BTD: variants seen among roughly 807,000 people sequenced by gnomAD.
The protein encoded by BTD is biotinidase.
BTD carries 13 observed loss-of-function variants against 17.7 expected under a neutral mutation model. The ratio of observed to expected loss-of-function variants is 0.74; its 90% CI spans 0.48 to 1.17. The LOEUF is 1.17. Ranked by LOEUF, BTD falls within the 50% of genes most tolerant of loss-of-function variation. The pLI is 0.00. For missense variants in BTD, 674 were observed against 650.4 expected (o/e 1.04, Z -0.39); for synonymous variants, 240 against 245.2 (o/e 0.98, Z 0.20).
At chr3:15,632,178 A>G (rs2065230141) in intron 1 of BTD, among the ~76,000 whole-genome samples, 1 of 152,056 alleles carries the variant, frequency 6.6e-6, no homozygotes, top group Non-Finnish European at 1.5e-5. Flanking sequence ...CCTTGACCAC[A>G]CTGCTTAAAA....
At chr3:15,722,385 T>G (rs1575389686), downstream of BTD, among the ~76,000 whole-genome samples, 2 of 152,350 alleles carry the variant, frequency 1.3e-5, no homozygotes, top group South Asian at 4.1e-4. Context: ...TAATGTGTCC[T>G]GACTCCGTGA....
intron 4 of BTD, among the ~76,000 whole-genome samples, chr3:15,719,168 A>G (rs1290156978): frequency 6.6e-6 from 1 of 152,142 alleles, no homozygotes; most frequent in Non-Finnish European, 1.5e-5. Flanking sequence ...GTATGTATAC[A>G]TTTTGTCCTG....
intron 3 of BTD, among the ~76,000 whole-genome samples, chr3:15,680,561 A>C (rs2067432333): frequency 6.6e-6 from 1 of 152,122 alleles, no homozygotes; most frequent in South Asian, 2.1e-4. Context: ...GTATATCATA[A>C]ATTATTTAAT....
downstream of BTD, among the ~76,000 whole-genome samples, chr3:15,716,351 G>A (rs759927798): frequency 1.3e-5 from 2 of 151,166 alleles, no homozygotes; most frequent in African/African-American, 4.9e-5. Flanking sequence ...GAATGCAGTG[G>A]TGTAATCATA....
intron 1 of BTD, among the ~76,000 whole-genome samples, chr3:15,617,458 A>G (rs2064828036): frequency 6.6e-6 from 1 of 152,206 alleles, no homozygotes; most frequent in Non-Finnish European, 1.5e-5. Context: ...TGAAGGGTAT[A>G]AGATCTTTAT....
chr3:15,640,966 A>G (rs2065485602), intron 2 of BTD, among the ~76,000 whole-genome samples: 1 of 152,182 alleles, frequency 6.6e-6, no homozygotes, highest in African/African-American at 2.4e-5. Context: ...TGCTAATTTG[A>G]ATTGTTCATG....
At chr3:15,670,686 A>T (rs1410328323) in intron 3 of BTD, 2 of 968,074 alleles carry the variant, frequency 2.1e-6, no homozygotes, top group African/African-American at 3.3e-5. Context: ...AATTGCTGTA[A>T]CCAGCATGAT....
chr3:15,677,360 T>C (rs962442858), intron 3 of BTD: 1 of 706,300 alleles, frequency 1.4e-6, no homozygotes, highest in African/African-American at 1.8e-5. Flanking sequence ...TCAAGAAATC[T>C]AATACCAGTG....
At chr3:15,685,105 A>G in intron 3 of BTD, 1 of 953,162 alleles carries the variant, frequency 1.0e-6, no homozygotes, top group Non-Finnish European at 1.6e-6. Flanking sequence ...ACGTGAGCCT[A>G]TACAGTAGAT....
downstream of BTD, among the ~76,000 whole-genome samples, chr3:15,717,735 T>C (rs991806220): frequency 6.6e-6 from 1 of 152,168 alleles, no homozygotes; most frequent in Non-Finnish European, 1.5e-5. Context: ...AACGTGTGCA[T>C]ATAAATGAAG....
At position 15,635,877 on chromosome 3, in the gene BTD, TC is replaced by T. The variant is rs2065335282; in HGVS notation, c.249+193del. Among the ~76,000 whole-genome samples, 1 of 152,142 alleles carries T rather than the reference TC, an allele frequency of 6.6e-6. No homozygotes were observed. The highest frequency in any genetic ancestry group is 2.1e-4 in the South Asian group (1 of 4,822). ...TCAGAGAGTGGTCCGTGGACCGGCA[TC>T]CCCTGGGAGCTTGTTAGAAATACAA... On this transcript the variant is annotated intron_variant, in intron 2 of 3. Coordinates refer to ENST00000643237, the MANE Select transcript of BTD (RefSeq NM_001370658.1). The surrounding 1 kb of genome is among the most constrained non-coding windows in gnomAD (Gnocchi z 4.1).
At chr3:15,619,831 G>A (rs144235007) in intron 1 of BTD, among the ~76,000 whole-genome samples, 4,838 of 152,256 alleles carry the variant, frequency 0.032, 258 homozygotes, top group African/African-American at 0.11. Context: ...CAGCTGGGCC[G>A]CCAGGGGTGA....
In BTD at chr3:15,648,120, G is replaced by A. The variant is rs57742227; in HGVS notation, c.*2632G>A. The stretch of plus-strand genomic sequence containing the variant: ...GGCCAGCCAATCAGAGCACTGGCTA[G>A]TAGCCCAGGAGGTGTCCCTGCACAG... On this transcript the variant is annotated 3_prime_UTR_variant, in exon 4 of 4. Coordinates refer to ENST00000643237, the MANE Select transcript of BTD (RefSeq NM_001370658.1). 0.032 allele frequency among the ~76,000 whole-genome samples: 4,853 copies of A among 152,288 alleles called. 258 individuals carry two copies. The highest frequency in any genetic ancestry group is 0.11 in the African/African-American group (4,546 of 41,514).
intron 3 of BTD, among the ~76,000 whole-genome samples, chr3:15,674,433 C>T (rs937020336): frequency 3.9e-5 from 6 of 152,054 alleles, no homozygotes; most frequent in South Asian, 2.1e-4. Context: ...ATGGAGAGAG[C>T]ATGATGCTGT....
chr3:15,659,563 G>A (rs538143342), intron 3 of BTD, among the ~76,000 whole-genome samples: 19 of 152,268 alleles, frequency 1.2e-4, no homozygotes, highest in Non-Finnish European at 2.5e-4. Flanking sequence ...TAAAATTCTT[G>A]CATGTTTAAA....
intron 3 of BTD, among the ~76,000 whole-genome samples, chr3:15,704,878 C>A (rs142317144): frequency 2.0e-5 from 3 of 152,260 alleles, no homozygotes; most frequent in East Asian, 3.9e-4. Flanking sequence ...ACTCGACAGG[C>A]TCTCTGGGAT....
intron 1 of BTD, among the ~76,000 whole-genome samples, chr3:15,615,352 C>G (rs1199296410): frequency 6.6e-6 from 1 of 152,188 alleles, no homozygotes; most frequent in African/African-American, 2.4e-5. Context: ...GTACAAGTTT[C>G]TACGTCAGAT....
rs546332764 is a variant in BTD at position 15,601,811 on chromosome 3, A to C, written c.-100A>C. The C allele has an allele frequency of 6.2e-7, 1 of 1,614,176 alleles. No homozygotes were observed. The highest frequency in any genetic ancestry group is 1.7e-5 in the Admixed American group (1 of 60,018). ...CTGAGGCCTCTCGCCATTGTCTCCG[A>C]GTCGGCCAGCTGGAGCGTTTTCGGG... On this transcript the variant is annotated 5_prime_UTR_variant, in exon 1 of 4. Transcript: ENST00000643237.
intron 3 of BTD, among the ~76,000 whole-genome samples, chr3:15,672,832 C>T (rs934423414): frequency 2.0e-5 from 3 of 152,174 alleles, no homozygotes; most frequent in Non-Finnish European, 4.4e-5. Context: ...CTAGAGTGCA[C>T]TGGCATGATC....
Sources: gnomAD v4.1 joint callset for allele counts (sites outside exome capture counted in the v4.1 genomes callset) on GRCh38, gnomAD v4.1.1 for gene constraint, Gnocchi (gnomAD v3.1) non-coding constraint, MANE v1.5 for transcripts, NCBI Gene and HGNC (gene_info 2026-07-23, HGNC 2026-07-21) for gene names.